The following CSMD1 variants were observed in gnomAD, a reference collection of about 807,000 sequenced individuals.
The protein encoded by CSMD1 is CUB and Sushi multiple domains 1.
In CSMD1, 213 loss-of-function variants were observed where a neutral mutation model predicts 417.5. The ratio of observed to expected loss-of-function variants is 0.51; its 90% CI spans 0.46 to 0.57. The LOEUF (loss-of-function observed/expected upper bound fraction) is 0.57, where lower values mean the gene tolerates loss of function less well. CSMD1 is among the 20% of genes least tolerant of loss of function. The pLI is 0.00. For synonymous variants in CSMD1, 2,862 were observed against 1,736.8 expected (o/e 1.65, Z -16.11); for missense variants, 6,923 against 4,529.7 (o/e 1.53, Z -15.17).
intron 3 of CSMD1, among the ~76,000 whole-genome samples, chr8:4,292,884 G>T (rs1363740175): frequency 7.2e-5 from 11 of 152,144 alleles, no homozygotes; most frequent in East Asian, 3.9e-4. Flanking sequence ...AAGGCTTTTT[G>T]TAAAGAGATA....
rs1020990734 is a variant in CSMD1, at chr8:3,251,072, A to T, written c.4154-20841T>A. 5.9e-5 allele frequency among the ~76,000 whole-genome samples: 9 copies of T among 151,948 alleles called. 1 individual carries two copies. The highest frequency in any genetic ancestry group is 4.6e-4 in the Admixed American group (7 of 15,252). Reference sequence around the variant, plus strand: ...TGCAGAAGCTCTTTAGTTTAATTAGATCCCGTTTGTCAATTTTGGGTTTTG... The same window carrying T: ...TGCAGAAGCTCTTTAGTTTAATTAGTTCCCGTTTGTCAATTTTGGGTTTTG... On this transcript the variant is annotated intron_variant, in intron 26 of 69. Coordinates refer to ENST00000635120, the MANE Select transcript of CSMD1 (RefSeq NM_033225.6).
intron 5 of CSMD1, among the ~76,000 whole-genome samples, chr8:3,823,497 T>A (rs1298850874): frequency 2.0e-5 from 3 of 152,216 alleles, no homozygotes; most frequent in Non-Finnish European, 4.4e-5. Context: ...CCATTTAGCT[T>A]ATGCTTGAAT....
intron 2 of CSMD1, among the ~76,000 whole-genome samples, chr8:4,447,057 T>C (rs1453738302): frequency 2.6e-5 from 4 of 152,006 alleles, no homozygotes; most frequent in Non-Finnish European, 4.4e-5. Flanking sequence ...CTGTGTCAGG[T>C]CTGCGAGCCT....
chr8:3,299,981 C>T (rs1375099774), intron 25 of CSMD1, among the ~76,000 whole-genome samples: 5 of 152,058 alleles, frequency 3.3e-5, no homozygotes, highest in Non-Finnish European at 7.4e-5. Context: ...TCTAGAAATT[C>T]ATCATGAAAA....
chr8:4,200,240 C>T lies in CSMD1; in HGVS notation c.416-168141G>A, dbSNP rs60628163. On this transcript the variant is annotated intron_variant, in intron 3 of 69. Coordinates refer to ENST00000635120, the MANE Select transcript of CSMD1 (RefSeq NM_033225.6). ...TTCTGGCCAGCATTTCAAAACAATTCCTCTATTCAATACACTGATGATAAT... is the reference window on the plus strand; with the variant it reads ...TTCTGGCCAGCATTTCAAAACAATTTCTCTATTCAATACACTGATGATAAT... 2.6e-5 allele frequency among the ~76,000 whole-genome samples: 4 copies of T among 152,226 alleles called. No individual in the cohort carries two copies. The East Asian group carries it at 7.7e-4, about 29-fold the overall frequency.
chr8:4,092,033 A>G (rs1800749612), intron 3 of CSMD1, among the ~76,000 whole-genome samples: 1 of 152,166 alleles, frequency 6.6e-6, no homozygotes, highest in Non-Finnish European at 1.5e-5. Context: ...AGCACATATC[A>G]CAGGGAAGGG....
At chr8:4,131,949 A>C (rs1174764729) in intron 3 of CSMD1, among the ~76,000 whole-genome samples, 1 of 151,874 alleles carries the variant, frequency 6.6e-6, no homozygotes, top group Non-Finnish European at 1.5e-5. Context: ...ATTTTTTAGT[A>C]GAGACCGGCT....
intron 26 of CSMD1, among the ~76,000 whole-genome samples, chr8:3,277,303 G>A (rs371884390): frequency 1.6e-4 from 24 of 152,120 alleles, no homozygotes; most frequent in South Asian, 4.1e-4. Flanking sequence ...GAAGTGAGGC[G>A]TTGCCCACGT....
intron 12 of CSMD1, among the ~76,000 whole-genome samples, chr8:3,458,645 A>G (rs916950558): frequency 1.3e-5 from 2 of 152,236 alleles, no homozygotes; most frequent in Non-Finnish European, 2.9e-5. Context: ...CTAGCTGGTA[A>G]TTCACCTAAA....
At chr8:4,982,437 G>A (rs2117438735) in intron 1 of CSMD1, among the ~76,000 whole-genome samples, 1 of 152,236 alleles carries the variant, frequency 6.6e-6, no homozygotes, top group South Asian at 2.1e-4. Context: ...TACAAATACT[G>A]TTGGCTTTCT....
At chr8:3,499,783 G>A (rs1360772766) in intron 10 of CSMD1, among the ~76,000 whole-genome samples, 1 of 152,018 alleles carries the variant, frequency 6.6e-6, no homozygotes, top group Non-Finnish European at 1.5e-5. Flanking sequence ...TGGCTGTGGT[G>A]GGATGATGGC....
chr8:4,651,851 T>A (rs762313605), intron 1 of CSMD1, among the ~76,000 whole-genome samples: 1 of 152,190 alleles, frequency 6.6e-6, no homozygotes, highest in Non-Finnish European at 1.5e-5. Flanking sequence ...ATTAAAGGAC[T>A]CCTGTCTTAT....
chr8:4,046,711 T>A (rs1323179700), intron 3 of CSMD1, among the ~76,000 whole-genome samples: 1 of 152,226 alleles, frequency 6.6e-6, no homozygotes, highest in African/African-American at 2.4e-5. Context: ...AGATATTATT[T>A]AAATGACCTA....
At chr8:3,158,919 C>T (rs1299509283) in intron 38 of CSMD1, among the ~76,000 whole-genome samples, 1 of 152,126 alleles carries the variant, frequency 6.6e-6, no homozygotes, top group Non-Finnish European at 1.5e-5. Flanking sequence ...TGCACTAATG[C>T]AGTTATCAAT....
chr8:4,928,530 C>A (rs927536487), intron 1 of CSMD1, among the ~76,000 whole-genome samples: 1 of 152,164 alleles, frequency 6.6e-6, no homozygotes, highest in Non-Finnish European at 1.5e-5. Flanking sequence ...ACTTCAGCTT[C>A]TTCTCTCTGA....
At chr8:4,434,729 C>T (rs543730601) in intron 2 of CSMD1, among the ~76,000 whole-genome samples, 2 of 152,212 alleles carry the variant, frequency 1.3e-5, no homozygotes, top group Non-Finnish European at 1.5e-5. Context: ...AGTGCTCATC[C>T]GGTGATTTTG....
At chr8:4,415,091 A>C (rs1159462733) in intron 3 of CSMD1, among the ~76,000 whole-genome samples, 1 of 152,188 alleles carries the variant, frequency 6.6e-6, no homozygotes, top group Non-Finnish European at 1.5e-5. Flanking sequence ...GATCTCACGG[A>C]GTAAGTTTTC....
intron 36 of CSMD1, among the ~76,000 whole-genome samples, chr8:3,184,720 G>T (rs897694519): frequency 6.6e-6 from 1 of 152,180 alleles, no homozygotes; most frequent in Non-Finnish European, 1.5e-5. Context: ...CTATGGAGAT[G>T]GGGAAATTTA....
chr8:4,845,902 T>G (rs754289353), intron 1 of CSMD1, among the ~76,000 whole-genome samples: 3 of 152,218 alleles, frequency 2.0e-5, no homozygotes, highest in Non-Finnish European at 4.4e-5. Context: ...CTAACTAAAA[T>G]GACAAGGTTA....
Sources: gnomAD v4.1 joint callset for allele counts (sites outside exome capture counted in the v4.1 genomes callset) on GRCh38, gnomAD v4.1.1 for gene constraint, MANE v1.5 for transcripts, NCBI Gene and HGNC (gene_info 2026-07-23, HGNC 2026-07-21) for gene names.